The following ASIC2 variants were observed in gnomAD, a reference collection of about 807,000 sequenced individuals.
The protein encoded by ASIC2 is acid-sensing ion channel 2.
Under a neutral mutation model 57.3 loss-of-function variants are expected in ASIC2, and 25 were observed. The ratio of observed to expected loss-of-function variants is 0.44; its 90% CI spans 0.32 to 0.61. The LOEUF (loss-of-function observed/expected upper bound fraction) is 0.61. ASIC2 is among the 20% of genes least tolerant of loss of function. The probability of loss-of-function intolerance (pLI) is 0.06; values close to 1 mark genes in which losing one functional copy is unlikely to be tolerated. For missense variants in ASIC2, 641 were observed against 738.1 expected, an observed-to-expected ratio of 0.87 and a Z score of 1.52; for synonymous variants, 319 against 307.5, an observed-to-expected ratio of 1.04 and a Z score of -0.39.
chr17:33,102,229 G>A (rs542251991), intron 2 of ASIC2, among the ~76,000 whole-genome samples: 1 of 152,260 alleles, frequency 6.6e-6, no homozygotes, highest in African/African-American at 2.4e-5. Context: ...CACTTCATTT[G>A]TAGTTTGCTG....
intron 1 of ASIC2, among the ~76,000 whole-genome samples, chr17:33,226,059 G>C (rs1166294609): frequency 6.6e-6 from 1 of 152,098 alleles, no homozygotes; most frequent in Non-Finnish European, 1.5e-5. Flanking sequence ...TGGTCTACTA[G>C]GAAAGACAGG....
intron 1 of ASIC2, among the ~76,000 whole-genome samples, chr17:33,709,094 C>T (rs1159737184): frequency 2.6e-5 from 4 of 152,178 alleles, no homozygotes; most frequent in Non-Finnish European, 2.9e-5. Context: ...AAGGTAAACC[C>T]TACATCTTTC....
intron 2 of ASIC2, 48 bp from the exon 3 acceptor site, chr17:33,089,038 C>A (rs1410682845): frequency 1.2e-6 from 2 of 1,608,230 alleles, no homozygotes; most frequent in African/African-American, 1.3e-5. Context: ...ACAACAGATG[C>A]TCATGGAGTC....
chr17:33,564,590 G>C (rs1054062839), intron 1 of ASIC2, among the ~76,000 whole-genome samples: 1 of 152,244 alleles, frequency 6.6e-6, no homozygotes, highest in African/African-American at 2.4e-5. Flanking sequence ...TGCCCCTGAG[G>C]AGCAGCATAA....
At chr17:33,916,939 A>G (rs1395024289) in intron 1 of ASIC2, among the ~76,000 whole-genome samples, 1 of 152,098 alleles carries the variant, frequency 6.6e-6, no homozygotes, top group Admixed American at 6.6e-5. Flanking sequence ...AAATGGCAGT[A>G]GTTCTTTGGA....
rs1567740275 is a variant in ASIC2, at chr17:33,088,902, A to G, written c.948T>C (p.Ala316=). ...TGGCCACAAAGGTCTGGAACCCTGGAGCCACCCCAAAGCCCAGCTCTTGGA... is the reference window on the plus strand; with the variant it reads ...TGGCCACAAAGGTCTGGAACCCTGGGGCCACCCCAAAGCCCAGCTCTTGGA... The part of the protein sequence containing the change: ...PFIQELGFGV[A]PGFQTFVATQ... The change falls in exon 3 of 10, where the codon GCT becomes GCC. Residue 316 remains alanine, a synonymous_variant. Coordinates refer to ENST00000225823, the MANE Select transcript of ASIC2 (RefSeq NM_183377.2). 6.2e-7 allele frequency: 1 copy of G among 1,613,860 alleles called. No individual in the cohort carries two copies. The highest frequency in any genetic ancestry group is 8.5e-7 in the Non-Finnish European group (1 of 1,179,958).
At chr17:33,296,251 C>T (rs1905717011), upstream of ASIC2, among the ~76,000 whole-genome samples, 1 of 152,080 alleles carries the variant, frequency 6.6e-6, no homozygotes, top group Non-Finnish European at 1.5e-5. Flanking sequence ...GAGGAGGAAA[C>T]TTTAACCACA....
At chr17:33,966,186 A>G (rs1905068847) in intron 1 of ASIC2, among the ~76,000 whole-genome samples, 1 of 152,234 alleles carries the variant, frequency 6.6e-6, no homozygotes, top group South Asian at 2.1e-4. Flanking sequence ...GTTAGCAGGT[A>G]TACAGGAGAG....
At chr17:33,467,791 C>T (rs983056448) in intron 1 of ASIC2, among the ~76,000 whole-genome samples, 2 of 152,190 alleles carry the variant, frequency 1.3e-5, no homozygotes, top group Non-Finnish European at 2.9e-5. Flanking sequence ...CCCACATTTC[C>T]AGACAAAACC....
chr17:33,060,938 T>C (rs898025267), intron 3 of ASIC2, among the ~76,000 whole-genome samples: 11 of 152,240 alleles, frequency 7.2e-5, no homozygotes, highest in African/African-American at 2.7e-4. Flanking sequence ...GAATGGGAGT[T>C]CATTCATGAT....
chr17:33,783,213 C>T (rs1911509661), intron 1 of ASIC2, among the ~76,000 whole-genome samples: 1 of 152,232 alleles, frequency 6.6e-6, no homozygotes. Flanking sequence ...CTAAGCTATG[C>T]AGAGGCAAGG....
intron 1 of ASIC2, among the ~76,000 whole-genome samples, chr17:34,104,975 T>C (rs1383517063): frequency 1.3e-5 from 2 of 152,054 alleles, no homozygotes; most frequent in African/African-American, 4.8e-5. Flanking sequence ...AAAACATGTA[T>C]TTTCCTCCTC....
intron 1 of ASIC2, among the ~76,000 whole-genome samples, chr17:33,210,198 T>G (rs1255615874): frequency 6.6e-6 from 1 of 152,134 alleles, no homozygotes. Context: ...AACATTACTC[T>G]GCATAATGAA....
chr17:33,155,765 G>A (rs1414995745), intron 1 of ASIC2, among the ~76,000 whole-genome samples: 2 of 151,852 alleles, frequency 1.3e-5, no homozygotes, highest in African/African-American at 4.8e-5. Context: ...TCACTGTGTT[G>A]GCCAGGCTGG....
At chr17:34,030,921 C>T (rs1907584540) in intron 1 of ASIC2, among the ~76,000 whole-genome samples, 1 of 152,264 alleles carries the variant, frequency 6.6e-6, no homozygotes, top group African/African-American at 2.4e-5. Context: ...CCTCTGTAGG[C>T]TCCACCTCTG....
intron 1 of ASIC2, among the ~76,000 whole-genome samples, chr17:33,400,111 C>A (rs984149648): frequency 2.0e-5 from 3 of 152,172 alleles, no homozygotes; most frequent in Non-Finnish European, 4.4e-5. Flanking sequence ...AAACTGCAAA[C>A]CACTAAATTT....
At chr17:33,766,777 A>T (rs1337134596) in intron 1 of ASIC2, among the ~76,000 whole-genome samples, 1 of 152,180 alleles carries the variant, frequency 6.6e-6, no homozygotes, top group Non-Finnish European at 1.5e-5. Context: ...TGAAAAGGGT[A>T]AAAAAAGAAA....
chr17:33,674,217 G>C (rs1277606191), intron 1 of ASIC2, among the ~76,000 whole-genome samples: 1 of 152,050 alleles, frequency 6.6e-6, no homozygotes, highest in African/African-American at 2.4e-5. Context: ...GATATTTTCA[G>C]AAGCTCCGTG....
intron 1 of ASIC2, among the ~76,000 whole-genome samples, chr17:33,289,742 G>A (rs1045852391): frequency 6.6e-6 from 1 of 152,232 alleles, no homozygotes; most frequent in African/African-American, 2.4e-5. Context: ...CATAGTGGCT[G>A]TTAGAATGCA....
Sources: gnomAD v4.1 joint callset for allele counts (sites outside exome capture counted in the v4.1 genomes callset) on GRCh38, gnomAD v4.1.1 for gene constraint, MANE v1.5 for transcripts, NCBI Gene and HGNC (gene_info 2026-07-23, HGNC 2026-07-21) for gene names.